The following CNTNAP5 variants were observed in gnomAD, a reference collection of about 807,000 sequenced individuals.
CNTNAP5 encodes contactin-associated protein-like 5.
CNTNAP5 carries 72 observed loss-of-function variants against 150.2 expected under a neutral mutation model. The ratio of observed to expected loss-of-function variants is 0.48; its 90% CI spans 0.40 to 0.58. CNTNAP5 has a LOEUF of 0.58. Ranked by LOEUF, CNTNAP5 falls within the 20% of genes least tolerant of loss-of-function variation. The pLI, the probability that CNTNAP5 is intolerant of heterozygous loss-of-function variation, is 0.00. For synonymous variants in CNTNAP5, 672 were observed against 619.8 expected (o/e 1.08, Z -1.25); for missense variants, 1,636 against 1,626.2 (o/e 1.01, Z -0.10).
At chr2:124,185,998 C>T (rs566478208) in intron 1 of CNTNAP5, among the ~76,000 whole-genome samples, 2 of 152,324 alleles carry the variant, frequency 1.3e-5, no homozygotes, top group Admixed American at 6.5e-5. Context: ...TTGCAAAGTA[C>T]GTTTACTATG....
intron 8 of CNTNAP5, among the ~76,000 whole-genome samples, chr2:124,517,648 T>C (rs573904338): frequency 6.9e-6 from 1 of 145,124 alleles, no homozygotes; most frequent in African/African-American, 2.6e-5. Flanking sequence ...GTGTTGATGA[T>C]GGAGGGTTGT....
intron 3 of CNTNAP5, among the ~76,000 whole-genome samples, chr2:124,248,769 T>C (rs1687093339): frequency 6.6e-6 from 1 of 152,156 alleles, no homozygotes; most frequent in Non-Finnish European, 1.5e-5. Context: ...AGGGAGTCAA[T>C]GTGTAGTCTT....
intron 21 of CNTNAP5, among the ~76,000 whole-genome samples, chr2:124,872,554 G>A (rs1465885653): frequency 6.6e-6 from 1 of 151,304 alleles, no homozygotes; most frequent in Non-Finnish European, 1.5e-5. Context: ...ACCAATTTAG[G>A]ACAATTTTAA....
At chr2:124,481,876 T>C (rs1452943617) in intron 7 of CNTNAP5, among the ~76,000 whole-genome samples, 1 of 152,178 alleles carries the variant, frequency 6.6e-6, no homozygotes, top group African/African-American at 2.4e-5. Context: ...AACAGATAAC[T>C]AGAAATGAAT....
At chr2:124,138,687 T>C (rs1183829261) in intron 1 of CNTNAP5, among the ~76,000 whole-genome samples, 4 of 152,146 alleles carry the variant, frequency 2.6e-5, no homozygotes, top group Admixed American at 6.5e-5. Flanking sequence ...GTCCCCGAGT[T>C]TGAGAGAAAA....
intron 1 of CNTNAP5, among the ~76,000 whole-genome samples, chr2:124,167,567 A>C (rs924471902): frequency 6.6e-6 from 1 of 152,196 alleles, no homozygotes; most frequent in Non-Finnish European, 1.5e-5. Context: ...AACTGATTTC[A>C]CTACCGTGTA....
chr2:124,452,536 C>A (rs1336773867), intron 6 of CNTNAP5, among the ~76,000 whole-genome samples: 1 of 152,154 alleles, frequency 6.6e-6, no homozygotes, highest in African/African-American at 2.4e-5. Flanking sequence ...CTCCATACTA[C>A]TAAGGCTGAT....
intron 13 of CNTNAP5, among the ~76,000 whole-genome samples, chr2:124,677,006 T>C (rs1678955378): frequency 6.6e-6 from 1 of 152,206 alleles, no homozygotes; most frequent in South Asian, 2.1e-4. Flanking sequence ...AGACATAATA[T>C]GTCCGGAATT....
intron 13 of CNTNAP5, among the ~76,000 whole-genome samples, chr2:124,732,171 A>C (rs1229513054): frequency 1.3e-5 from 2 of 152,100 alleles, no homozygotes; most frequent in Non-Finnish European, 2.9e-5. Flanking sequence ...ATAATGAGTG[A>C]GCTCAAGATA....
intron 14 of CNTNAP5, among the ~76,000 whole-genome samples, chr2:124,761,529 T>C (rs1328588047): frequency 6.6e-6 from 1 of 152,102 alleles, no homozygotes; most frequent in Non-Finnish European, 1.5e-5. Flanking sequence ...CAGAATAGCA[T>C]AATTTCCTGT....
In CNTNAP5 at chr2:124,884,654, A is replaced by G. The variant is rs372078746; in HGVS notation, c.3436+14892A>G. Among the ~76,000 whole-genome samples, 40 of 152,088 alleles carry G rather than the reference A, an allele frequency of 2.6e-4. No individual in the cohort carries two copies. The South Asian group carries it at 7.9e-3, about 30-fold the overall frequency. On this transcript the variant is annotated intron_variant, in intron 21 of 23. Transcript: ENST00000682447. ...CATTTCCTATAAAAAAAACTTTCCCATCGCTTGCTTAGAGAGAAAGAGGTT... is the reference window on the plus strand; with the variant it reads ...CATTTCCTATAAAAAAAACTTTCCCGTCGCTTGCTTAGAGAGAAAGAGGTT...
At chr2:124,540,031 G>A (rs12464032) in intron 10 of CNTNAP5, among the ~76,000 whole-genome samples, 62,934 of 151,504 alleles carry the variant, frequency 0.42, 13,479 homozygotes, top group East Asian at 0.63. Context: ...GGAACACACA[G>A]AGCTAAAACA....
intron 11 of CNTNAP5, among the ~76,000 whole-genome samples, chr2:124,592,851 T>A (rs1696727194): frequency 6.6e-6 from 1 of 152,054 alleles, no homozygotes; most frequent in Non-Finnish European, 1.5e-5. Flanking sequence ...ATATTAGAAA[T>A]GTTAGTGCTT....
chr2:124,332,214 T>C (rs1044992979), intron 3 of CNTNAP5, among the ~76,000 whole-genome samples: 16 of 151,566 alleles, frequency 1.1e-4, no homozygotes, highest in African/African-American at 3.9e-4. Context: ...AACCTCTACA[T>C]TGGACAAAAA....
chr2:124,343,056 G>A (rs999958175), intron 3 of CNTNAP5, among the ~76,000 whole-genome samples: 1 of 152,064 alleles, frequency 6.6e-6, no homozygotes, highest in African/African-American at 2.4e-5. Flanking sequence ...CCTACAAAAA[G>A]CTTTCAGAAA....
intron 19 of CNTNAP5, among the ~76,000 whole-genome samples, chr2:124,849,833 CCTAA>C (rs563148994): frequency 4.4e-4 from 67 of 152,252 alleles, no homozygotes; most frequent in Admixed American, 3.5e-3. Flanking sequence ...CTCTGGGACG[CCTAA>C]CTGAGTGGGA....
chr2:124,070,396 G>GAAAAAAAAAAAAAAAAAAAA (rs70996039), intron 1 of CNTNAP5, among the ~76,000 whole-genome samples: 1 of 72,960 alleles, frequency 1.4e-5, no homozygotes, highest in Admixed American at 1.7e-4. Flanking sequence ...GCTGAATGGG[G>GAAAAAAAAAAAAAAAAAAAA]AAAAAAAAAA....
chr2:124,223,774 T>C (rs1686386358), intron 2 of CNTNAP5, among the ~76,000 whole-genome samples: 1 of 151,674 alleles, frequency 6.6e-6, no homozygotes, highest in African/African-American at 2.4e-5. Context: ...TTTGAGTGCC[T>C]GAATCCAAGG....
chr2:124,048,403 C>A (rs1681600562), intron 1 of CNTNAP5, among the ~76,000 whole-genome samples: 1 of 152,178 alleles, frequency 6.6e-6, no homozygotes, highest in African/African-American at 2.4e-5. Context: ...GTTGCTCTTT[C>A]CTTTGCGTCT....
Sources: allele counts gnomAD v4.1 joint callset (sites outside exome capture counted in the v4.1 genomes callset), GRCh38; gene constraint gnomAD v4.1.1; transcripts MANE v1.5; gene names NCBI Gene and HGNC (gene_info 2026-07-23, HGNC 2026-07-21).